FARS2: variants seen among roughly 807,000 people sequenced by gnomAD.
FARS2 encodes phenylalanyl-tRNA synthetase 2, mitochondrial.
Under a neutral mutation model 46.4 loss-of-function variants are expected in FARS2, and 40 were observed. The observed-to-expected ratio is 0.86, with a 90% CI of 0.67 to 1.12. The LOEUF (loss-of-function observed/expected upper bound fraction) is 1.12. FARS2 is among the 50% of genes most tolerant of loss of function. FARS2 has a pLI of 0.00. For missense variants in FARS2, 513 were observed against 567.9 expected (o/e 0.90, Z 0.98); for synonymous variants, 234 against 214.9 (o/e 1.09, Z -0.78).
chr6:5,575,033 G>T lies in FARS2; in HGVS notation c.1065+29693G>T, dbSNP rs571095796. 2.0e-5 allele frequency among the ~76,000 whole-genome samples: 3 copies of T among 152,204 alleles called. No homozygotes were observed. The South Asian group carries it at 6.2e-4, about 32-fold the overall frequency. ...TTCAAGGGTGAGCTGTGTGTTGTTG[G>T]TTCATTAACATTGAACTCTTGACCA... is the stretch of plus-strand genomic sequence containing the variant. On this transcript the variant is annotated intron_variant, in intron 5 of 6. Coordinates refer to ENST00000274680, the MANE Select transcript of FARS2 (RefSeq NM_006567.5).
At chr6:5,297,619 GC>G (rs1490601923) in intron 1 of FARS2, among the ~76,000 whole-genome samples, 1 of 151,848 alleles carries the variant, frequency 6.6e-6, no homozygotes, top group African/African-American at 2.4e-5. Context: ...TTGCACTCCA[GC>G]CCGGGCAACA....
Position 5,643,878 on chromosome 6 carries a change from G to T in FARS2, c.1217+30558G>T, listed in dbSNP as rs115955433. On this transcript the variant is annotated intron_variant, in intron 6 of 6. Coordinates refer to ENST00000274680, the MANE Select transcript of FARS2 (RefSeq NM_006567.5). ...AGGAGGGGCTAGGGTCAAGTGTGTGGCAGACTTATTGAGAAGGTGAAGGCC... is the reference window on the plus strand; with the variant it reads ...AGGAGGGGCTAGGGTCAAGTGTGTGTCAGACTTATTGAGAAGGTGAAGGCC... 5.7e-3 allele frequency among the ~76,000 whole-genome samples: 866 copies of T among 152,294 alleles called. 13 individuals carry two copies. Among genetic ancestry groups the T allele is most frequent in the African/African-American group, 0.02 (841 of 41,562 alleles).
At chr6:5,567,429 A>G (rs1230799084) in intron 5 of FARS2, among the ~76,000 whole-genome samples, 1 of 152,216 alleles carries the variant, frequency 6.6e-6, no homozygotes, top group East Asian at 1.9e-4. Context: ...GTATTGCTGC[A>G]AACAAATTGC....
At chr6:5,283,082 CA>C (rs1247537833) in intron 1 of FARS2, among the ~76,000 whole-genome samples, 1 of 150,642 alleles carries the variant, frequency 6.6e-6, no homozygotes, top group African/African-American at 2.4e-5. Flanking sequence ...ACTAAAAATT[CA>C]AAAAAAATGC....
chr6:5,537,230 G>C (rs1338643887), intron 4 of FARS2, among the ~76,000 whole-genome samples: 1 of 152,212 alleles, frequency 6.6e-6, no homozygotes, highest in Non-Finnish European at 1.5e-5. Context: ...ACAGGACTAA[G>C]GACTCTGGGG....
At chr6:5,396,552 C>T (rs1760913731) in intron 2 of FARS2, among the ~76,000 whole-genome samples, 1 of 152,110 alleles carries the variant, frequency 6.6e-6, no homozygotes, top group African/African-American at 2.4e-5. Context: ...CGGAAACTTC[C>T]ACTTCTTTCA....
chr6:5,585,628 GT>G (rs1246042597), intron 5 of FARS2, among the ~76,000 whole-genome samples: 16 of 151,950 alleles, frequency 1.1e-4, no homozygotes, highest in Non-Finnish European at 2.2e-4. Context: ...GTTCATCTAT[GT>G]TGTTACAAAT....
In FARS2 at chr6:5,472,638, G is replaced by A. The variant is rs184461013; in HGVS notation, c.904+41466G>A. ...TGACTGATTAAATTCTGCCCATTCT[G>A]TGTTTTTTAAATTTTAAAATCAGGT... On this transcript the variant is annotated intron_variant, in intron 4 of 6. Coordinates refer to ENST00000274680, the MANE Select transcript of FARS2 (RefSeq NM_006567.5). Among the ~76,000 whole-genome samples the A allele has an allele frequency of 2.1e-3, 314 of 152,048 alleles. 2 individuals are homozygous for A. Among genetic ancestry groups the A allele is most frequent in the African/African-American group, 7.2e-3 (298 of 41,484 alleles).
intron 4 of FARS2, among the ~76,000 whole-genome samples, chr6:5,474,971 G>A (rs1582212236): frequency 1.3e-5 from 2 of 152,204 alleles, no homozygotes; most frequent in Admixed American, 1.3e-4. Flanking sequence ...GCCCAGTACT[G>A]TCATCTTACA....
At chr6:5,553,374 A>T (rs951577200) in intron 5 of FARS2, among the ~76,000 whole-genome samples, 1 of 152,208 alleles carries the variant, frequency 6.6e-6, no homozygotes, top group South Asian at 2.1e-4. Context: ...GCATTATTAT[A>T]AAGACTTTCC....
intron 1 of FARS2, among the ~76,000 whole-genome samples, chr6:5,341,946 T>C (rs556767432): frequency 1.7e-4 from 26 of 152,200 alleles, no homozygotes; most frequent in Non-Finnish European, 3.2e-4. Context: ...TATAAGCCAG[T>C]TCAAATTACA....
At chr6:5,294,653 A>G (rs7755157) in intron 1 of FARS2, among the ~76,000 whole-genome samples, 58,873 of 152,006 alleles carry the variant, frequency 0.39, 14,126 homozygotes, top group East Asian at 0.71. Flanking sequence ...AGAGGCTCAC[A>G]GGACTCAGGG....
At chr6:5,379,788 A>G (rs563206114) in intron 2 of FARS2, among the ~76,000 whole-genome samples, 155 of 152,334 alleles carry the variant, frequency 1.0e-3, no homozygotes, top group African/African-American at 3.3e-3. Context: ...GATCTGGGCA[A>G]AAGAAGTGCA....
At chr6:5,510,134 T>C (rs1412108791) in intron 4 of FARS2, among the ~76,000 whole-genome samples, 3 of 152,160 alleles carry the variant, frequency 2.0e-5, no homozygotes, top group Admixed American at 2.0e-4. Flanking sequence ...GTTTGTTTGG[T>C]TGGTTGGTTG....
chr6:5,420,211 G>T, intron 3 of FARS2, among the ~76,000 whole-genome samples: 1 of 152,118 alleles, frequency 6.6e-6, no homozygotes, highest in East Asian at 1.9e-4. Flanking sequence ...TTCCCACTGT[G>T]CCCCTCCCAC....
intron 5 of FARS2, among the ~76,000 whole-genome samples, chr6:5,589,735 A>G (rs922737764): frequency 6.6e-6 from 1 of 152,234 alleles, no homozygotes; most frequent in Non-Finnish European, 1.5e-5. Context: ...ATGCTTTATG[A>G]AAATAAGTGC....
chr6:5,534,798 G>GACACACATATGTAT (rs1403284789), intron 4 of FARS2, among the ~76,000 whole-genome samples: 1 of 151,374 alleles, frequency 6.6e-6, no homozygotes, highest in Non-Finnish European at 1.5e-5. Flanking sequence ...CATATATAGA[G>GACACACATATGTAT]ACACACATAT....
At chr6:5,715,381 G>A (rs77968905) in intron 6 of FARS2, among the ~76,000 whole-genome samples, 11 of 152,020 alleles carry the variant, frequency 7.2e-5, no homozygotes, top group African/African-American at 1.5e-4. Flanking sequence ...TTGTGCGTTC[G>A]TCGCCACAGT....
At chr6:5,577,054 G>C (rs1256537376) in intron 5 of FARS2, among the ~76,000 whole-genome samples, 1 of 147,996 alleles carries the variant, frequency 6.8e-6, no homozygotes, top group Non-Finnish European at 1.5e-5. Context: ...GACATTTCAT[G>C]TATATAAATT....
Sources: gnomAD v4.1 joint callset for allele counts (sites outside exome capture counted in the v4.1 genomes callset) on GRCh38, gnomAD v4.1.1 for gene constraint, MANE v1.5 for transcripts, NCBI Gene and HGNC (gene_info 2026-07-23, HGNC 2026-07-21) for gene names.